Variants in CYREN observed in about 807,000 individuals in gnomAD.
The protein encoded by CYREN is cell cycle regulator of NHEJ.
A neutral mutation model predicts 9.7 loss-of-function variants in CYREN; 7 were observed. The ratio of observed to expected loss-of-function variants is 0.72; its 90% CI spans 0.41 to 1.36. The LOEUF (loss-of-function observed/expected upper bound fraction) is 1.36, where lower values mean the gene tolerates loss of function less well. CYREN is among the 40% of genes most tolerant of loss of function. The probability of loss-of-function intolerance (pLI) is 0.01; values close to 1 mark genes in which losing one functional copy is unlikely to be tolerated. For missense variants in CYREN, 215 were observed against 198.1 expected, an observed-to-expected ratio of 1.09 and a Z score of -0.51; for synonymous variants, 76 against 77.9, an observed-to-expected ratio of 0.98 and a Z score of 0.13.
chr7:135,126,813 C>A (rs541426869), intron 2 of CYREN, among the ~76,000 whole-genome samples: 1 of 152,154 alleles, frequency 6.6e-6, no homozygotes, highest in Non-Finnish European at 1.5e-5. Flanking sequence ...ACTGGCTAGC[C>A]ATGTGCAGAA....
intron 2 of CYREN, among the ~76,000 whole-genome samples, chr7:135,139,443 G>T: frequency 6.7e-6 from 1 of 149,704 alleles, no homozygotes; most frequent in African/African-American, 2.5e-5. Flanking sequence ...GTTGTTTTTT[G>T]CTTGTTACGT....
chr7:135,155,031 T>C (rs1829756373), intron 2 of CYREN, among the ~76,000 whole-genome samples: 1 of 152,232 alleles, frequency 6.6e-6, no homozygotes, highest in East Asian at 1.9e-4. Context: ...TGGGTACATA[T>C]ATATTTAGGA....
chr7:135,167,639 C>T, intron 3 of CYREN, 93 bp downstream of exon 3: 1 of 1,562,048 alleles, frequency 6.4e-7, no homozygotes, highest in South Asian at 1.2e-5. Context: ...TAGCCTACGG[C>T]AGAGGGCGTC....
At chr7:135,170,110 A>C (rs540439105) in intron 1 of CYREN, among the ~76,000 whole-genome samples, 38 of 152,368 alleles carry the variant, frequency 2.5e-4, no homozygotes, top group African/African-American at 8.9e-4. Flanking sequence ...AGACTTAGTT[A>C]ACTTGCAGAA....
intron 2 of CYREN, among the ~76,000 whole-genome samples, chr7:135,133,954 A>G (rs76914853): frequency 0.051 from 7,725 of 150,074 alleles, 259 homozygotes; most frequent in Non-Finnish European, 0.081. Context: ...TTACTCTGAG[A>G]AAAAAAAAAG....
chr7:135,146,233 C>T (rs552124951), intron 2 of CYREN, among the ~76,000 whole-genome samples: 2 of 152,174 alleles, frequency 1.3e-5, no homozygotes, highest in South Asian at 2.1e-4. Context: ...TCAGAACACA[C>T]GGTCAGAACA....
At chr7:135,171,652 C>T (rs1318789450), upstream of CYREN, among the ~76,000 whole-genome samples, 1 of 152,212 alleles carries the variant, frequency 6.6e-6, no homozygotes, top group East Asian at 1.9e-4. Flanking sequence ...GATTTTAAGG[C>T]AGTAGCTTGC....
chr7:135,147,378 C>A (rs1829567299), intron 2 of CYREN, among the ~76,000 whole-genome samples: 2 of 152,210 alleles, frequency 1.3e-5, no homozygotes, highest in African/African-American at 4.8e-5. Context: ...CAGAAGAGAA[C>A]CGCTGAAGGA....
intron 2 of CYREN, among the ~76,000 whole-genome samples, chr7:135,095,023 T>A (rs1322994699): frequency 1.3e-5 from 2 of 152,156 alleles, no homozygotes; most frequent in East Asian, 3.8e-4. Context: ...CATCAGCAGT[T>A]CAACATGGAG....
intron 2 of CYREN, among the ~76,000 whole-genome samples, chr7:135,096,625 G>GATAGATA (rs1162351189): frequency 1.4e-5 from 1 of 70,640 alleles, no homozygotes; most frequent in African/African-American, 4.1e-5. Context: ...AGATAGATAG[G>GATAGATA]GCTATTCTTT....
chr7:135,172,408 G>A (rs1167984122), upstream of CYREN, among the ~76,000 whole-genome samples: 1 of 138,018 alleles, frequency 7.2e-6, no homozygotes, highest in Non-Finnish European at 1.5e-5. Flanking sequence ...AAAAGTGTGT[G>A]TGCCCTCTTT....
intron 2 of CYREN, among the ~76,000 whole-genome samples, chr7:135,155,423 G>A (rs1829766248): frequency 6.6e-6 from 1 of 152,106 alleles, no homozygotes; most frequent in Admixed American, 6.5e-5. Flanking sequence ...TTTTGACTTT[G>A]TGTTTTGATG....
At chr7:135,155,671 C>G (rs1829774636) in intron 2 of CYREN, among the ~76,000 whole-genome samples, 2 of 152,060 alleles carry the variant, frequency 1.3e-5, no homozygotes, top group African/African-American at 4.8e-5. Flanking sequence ...GGCAAAATAG[C>G]AAGATCTTGT....
intron 2 of CYREN, among the ~76,000 whole-genome samples, chr7:135,131,248 G>A (rs1475056830): frequency 6.6e-6 from 1 of 152,076 alleles, no homozygotes; most frequent in African/African-American, 2.4e-5. Flanking sequence ...TCACTCATAA[G>A]TGGGAGTTGA....
intron 2 of CYREN, among the ~76,000 whole-genome samples, chr7:135,104,628 C>A (rs1429211286): frequency 1.3e-5 from 2 of 152,044 alleles, no homozygotes; most frequent in African/African-American, 4.8e-5. Flanking sequence ...ATTCTGACTG[C>A]TGTGAGATGG....
chr7:135,120,386 A>C (rs1309277729), intron 2 of CYREN, among the ~76,000 whole-genome samples: 1 of 152,218 alleles, frequency 6.6e-6, no homozygotes, highest in Non-Finnish European at 1.5e-5. Context: ...TACTAAGTTA[A>C]CACAACCAAT....
intron 2 of CYREN, chr7:135,148,093 G>A (rs753203033): frequency 2.2e-6 from 1 of 456,158 alleles, no homozygotes. Context: ...TACTAGGCAC[G>A]ACTGCGAAGG....
intron 2 of CYREN, among the ~76,000 whole-genome samples, chr7:135,152,255 C>A (rs529804969): frequency 1.0e-3 from 153 of 152,332 alleles, no homozygotes; most frequent in African/African-American, 3.6e-3. Context: ...GCTTCAAGGT[C>A]CATGCTCAGA....
downstream of CYREN, chr7:135,165,717 A>G (rs1646982): frequency 0.94 from 156,469 of 167,064 alleles, 74,100 homozygotes; most frequent in Non-Finnish European, 1. Context: ...GGACGGCTGC[A>G]CACAAACAAA....
Sources: allele counts gnomAD v4.1 joint callset (sites outside exome capture counted in the v4.1 genomes callset), GRCh38; gene constraint gnomAD v4.1.1; transcripts MANE v1.5; gene names NCBI Gene and HGNC (gene_info 2026-07-23, HGNC 2026-07-21).